IKZF4: variants seen among roughly 807,000 people sequenced by gnomAD.
The protein encoded by IKZF4 is zinc finger protein Eos.
A neutral mutation model predicts 47.7 loss-of-function variants in IKZF4; 11 were observed. The ratio of observed to expected loss-of-function variants is 0.23; its 90% confidence interval spans 0.15 to 0.38. The LOEUF is 0.38. Among genes scored for constraint, IKZF4 ranks in the 10% least tolerant of loss-of-function variants. IKZF4 has a pLI of 1.00. For synonymous variants in IKZF4, 298 were observed against 299.4 expected (o/e 1.00, Z 0.05); for missense variants, 557 against 784.9 (o/e 0.71, Z 3.47).
intron 1 of IKZF4, among the ~76,000 whole-genome samples, chr12:56,008,746 C>T (rs1890999300): frequency 6.7e-6 from 1 of 148,190 alleles, no homozygotes; most frequent in Admixed American, 6.9e-5. Context: ...GCGACCTCAG[C>T]TCACTGCAAC....
At chr12:56,007,809 C>G (rs1414515296) in intron 1 of IKZF4, 4 of 150,184 alleles carry the variant, frequency 2.7e-5, no homozygotes, top group Non-Finnish European at 4.5e-5. Context: ...GCCTGAGGGG[C>G]TCTGGCGTGA....
Position 56,037,958 on chromosome 12 carries a change from T to C in IKZF4, c.*2627T>C, listed in dbSNP as rs1455339634. 2 of 151,916 alleles carry C rather than the reference T, an allele frequency of 1.3e-5. No individual in the cohort carries two copies. Among genetic ancestry groups the C allele is most frequent in the East Asian group, 1.9e-4 (1 of 5,206 alleles). 9.4% of individuals were successfully genotyped at this position (151,916 alleles called of 1,614,324 possible). A position where few individuals can be genotyped will look rare whatever the true frequency, so the allele number is the denominator to read the frequency against. ...ATACCACCAACAAAATATTTCTAAG[T>C]AGACACTTTTCCAGACCTTTGTTTT... On this transcript the variant is annotated 3_prime_UTR_variant, in exon 8 of 8. Coordinates refer to ENST00000547167, the MANE Select transcript of IKZF4 (RefSeq NM_022465.4).
chr12:56,021,797 G>A (rs1229768458), intron 1 of IKZF4: 4 of 685,394 alleles, frequency 5.8e-6, no homozygotes, highest in Non-Finnish European at 9.6e-6. Flanking sequence ...GTGTTGCTAA[G>A]CAAAGACGGC....
rs369830751 is a variant in IKZF4 at position 56,025,169 on chromosome 12, C to A, written c.286+11C>A. 26 of 1,537,620 alleles carry A rather than the reference C, an allele frequency of 1.7e-5. No homozygotes were observed. In the East Asian group the frequency reaches 3.8e-4, roughly 22 times the overall value. ...GCCGCTCACTCAGTGGTAAGTGTAA[C>A]CTCCTACCACCTCCTGGCAGTAGGC... On this transcript the variant is annotated intron_variant, in intron 3 of 7. Coordinates refer to ENST00000547167, the MANE Select transcript of IKZF4 (RefSeq NM_022465.4).
At chr12:56,028,817 C>T (rs1020636579) in intron 5 of IKZF4, among the ~76,000 whole-genome samples, 5 of 151,640 alleles carry the variant, frequency 3.3e-5, no homozygotes, top group African/African-American at 1.2e-4. Context: ...CTCAAGCAAT[C>T]GGCCCACCTC....
intron 2 of IKZF4, among the ~76,000 whole-genome samples, chr12:56,014,142 C>T (rs1229366601): frequency 2.8e-5 from 4 of 144,146 alleles, no homozygotes; most frequent in African/African-American, 1.1e-4. Flanking sequence ...AGTGACAGAT[C>T]GAGACTCCGT....
At chr12:56,021,716 G>GTT in intron 1 of IKZF4, 136 bp downstream of exon 1, 1 of 1,228,926 alleles carries the variant, frequency 8.1e-7, no homozygotes, top group South Asian at 1.5e-5. Flanking sequence ...GTGTGTGTGT[G>GTT]TGTGTGTGTG....
chr12:56,022,944 C>A (rs1049441940), intron 1 of IKZF4, among the ~76,000 whole-genome samples: 3 of 152,008 alleles, frequency 2.0e-5, no homozygotes, highest in Non-Finnish European at 4.4e-5. Flanking sequence ...GGACTACAGG[C>A]GCCCGCTACC....
chr12:56,012,259 A>G (rs1311058959), intron 2 of IKZF4, among the ~76,000 whole-genome samples: 1 of 148,656 alleles, frequency 6.7e-6, no homozygotes, highest in East Asian at 2.0e-4. Context: ...CACATTAAGC[A>G]TGTGTTAAAT....
chr12:56,008,691 T>C (rs916433905), intron 1 of IKZF4, among the ~76,000 whole-genome samples: 3 of 150,394 alleles, frequency 2.0e-5, no homozygotes, highest in African/African-American at 7.4e-5. Flanking sequence ...TTTTTTTTTT[T>C]GAGACGGAGT....
At chr12:56,007,846 A>C (rs2136521971) in intron 1 of IKZF4, 3 of 120,772 alleles carry the variant, frequency 2.5e-5, no homozygotes. Context: ...GGGCGGGGGA[A>C]GGGGCCAGGC....
chr12:56,011,595 T>C (rs901758252), intron 2 of IKZF4: 3 of 152,240 alleles, frequency 2.0e-5, no homozygotes, highest in African/African-American at 7.2e-5. Context: ...TTATCCCCTC[T>C]GCACTGCTCC....
chr12:56,018,017 C>A, upstream of IKZF4: 2 of 639,888 alleles, frequency 3.1e-6, no homozygotes, highest in Non-Finnish European at 4.9e-6. Flanking sequence ...TAGTATCAGA[C>A]CATGCTTAAG....
Position 56,034,974 on chromosome 12 carries a change from T to C in IKZF4, c.1401T>C (p.Val467=). The stretch of plus-strand genomic sequence containing the variant: ...CAGAAAGCAACCACGAAGATCGGGT[T>C]GCGGGGGTGGTATCCCTCCCTCAGG... ...TDTESNHEDR[V]AGVVSLPQGP... Residue 467 remains valine, a synonymous_variant, in exon 8 of 8, where the codon GTT becomes GTC. Coordinates refer to ENST00000547167, the MANE Select transcript of IKZF4 (RefSeq NM_022465.4). 1 of 1,561,450 alleles carries C rather than the reference T, an allele frequency of 6.4e-7. No homozygotes were observed. Among genetic ancestry groups the C allele is most frequent in the Non-Finnish European group, 8.7e-7 (1 of 1,151,392 alleles).
At chr12:56,034,489 A>G (rs1206695500) in intron 7 of IKZF4, 82 bp from the exon 8 acceptor site, 2 of 1,404,832 alleles carry the variant, frequency 1.4e-6, no homozygotes, top group East Asian at 2.3e-5. Context: ...CCAGCCCCAC[A>G]GGTAAAAAAA....
intron 2 of IKZF4, among the ~76,000 whole-genome samples, chr12:56,015,682 C>T (rs1891952145): frequency 6.6e-6 from 1 of 152,222 alleles, no homozygotes; most frequent in Non-Finnish European, 1.5e-5. Context: ...AGGCCTGAGC[C>T]ACCAAACCCA....
chr12:56,008,278 G>A (rs1890939557), intron 1 of IKZF4, among the ~76,000 whole-genome samples: 1 of 152,088 alleles, frequency 6.6e-6, no homozygotes, highest in African/African-American at 2.4e-5. Context: ...GAGAGGTGTA[G>A]GGAACTTGGG....
upstream of IKZF4, chr12:56,020,861 A>G: frequency 1.1e-6 from 1 of 895,130 alleles, no homozygotes; most frequent in Non-Finnish European, 1.3e-6. Flanking sequence ...GGAGGAGGGA[A>G]AGAGTTCGGT....
chr12:56,018,881 G>A (rs560803185), upstream of IKZF4, among the ~76,000 whole-genome samples: 176 of 151,858 alleles, frequency 1.2e-3, 2 homozygotes, highest in African/African-American at 4.2e-3. Context: ...TCAGGAGTTC[G>A]AGACCAGCCT....
Sources: allele counts gnomAD v4.1 joint callset (sites outside exome capture counted in the v4.1 genomes callset), GRCh38; gene constraint gnomAD v4.1.1; transcripts MANE v1.5; gene names NCBI Gene and HGNC (gene_info 2026-07-23, HGNC 2026-07-21).